MMRN2: variants seen among roughly 807,000 people sequenced by gnomAD.
MMRN2 encodes multimerin 2, also known as multimerin-2.
Under a neutral mutation model 68.8 loss-of-function variants are expected in MMRN2, and 53 were observed. The observed-to-expected ratio is 0.77, with a 90% CI of 0.62 to 0.97. MMRN2 has a LOEUF of 0.97. Ranked by LOEUF, MMRN2 falls within the 50% of genes least tolerant of loss-of-function variation. The pLI is 0.00. For synonymous variants in MMRN2, 564 were observed against 551.6 expected, an observed-to-expected ratio of 1.02 and a Z score of -0.32; for missense variants, 1,266 against 1,259.5, an observed-to-expected ratio of 1.01 and a Z score of -0.08.
intron 1 of MMRN2, among the ~76,000 whole-genome samples, chr10:86,948,374 C>A (rs950292938): frequency 6.6e-6 from 1 of 150,976 alleles, no homozygotes; most frequent in Non-Finnish European, 1.5e-5. Context: ...ACCCAAGAAA[C>A]AAGACCAGGA....
Position 86,944,050 on chromosome 10 carries a change from C to G in MMRN2, c.734G>C (p.Trp245Ser). The G allele has an allele frequency of 6.2e-7, 1 of 1,614,160 alleles. No homozygotes were observed. The highest frequency in any genetic ancestry group is 8.5e-7 in the Non-Finnish European group (1 of 1,180,042). Reference sequence around the variant, plus strand: ...GTGCAGGCTTTGGTTAAAGCTCCTCCAGATGGGGCTGAAATGCACTTGTAG... The same window carrying G: ...GTGCAGGCTTTGGTTAAAGCTCCTCGAGATGGGGCTGAAATGCACTTGTAG... ...TFLQVHFSPIWRSFNQSLHSL... is the reference protein window; with the variant it reads ...TFLQVHFSPISRSFNQSLHSL... Residue 245 changes from tryptophan (W) to serine (S), a missense_variant, in exon 6 of 7, where the codon TGG (tryptophan) becomes TCG (serine). Trp to Ser is a radical substitution (Grantham distance 177). Coordinates refer to ENST00000372027, the MANE Select transcript of MMRN2 (RefSeq NM_024756.3).
chr10:86,944,126 A>G lies in MMRN2; in HGVS notation c.658T>C (p.Phe220Leu). Reference protein sequence around the residue: ...VMEANQTGHEFPDRSLEQVLL... With the variant: ...VMEANQTGHELPDRSLEQVLL... ...ACCTGCTCCAAGGATCTATCAGGGA[A>G]CTCTGCAACAGACATGTGGTGTGAC... The change falls in exon 6 of 7, where the codon TTC becomes CTC. Residue 220 changes from phenylalanine to leucine, a missense_variant and splice_region_variant. Phe to Leu is a conservative substitution (Grantham distance 22, BLOSUM62 0). Coordinates refer to ENST00000372027, the MANE Select transcript of MMRN2 (RefSeq NM_024756.3). The G allele has an allele frequency of 6.2e-7, 1 of 1,612,792 alleles. No individual in the cohort carries two copies. Among genetic ancestry groups the G allele is most frequent in the Non-Finnish European group, 8.5e-7 (1 of 1,179,204 alleles).
At position 86,936,473 on chromosome 10, in the gene MMRN2, GC is replaced by G; in HGVS notation, c.*269del. The G allele has an allele frequency of 1.8e-6, 1 of 553,024 alleles. No homozygotes were observed. The highest frequency in any genetic ancestry group is 3.2e-6 in the Non-Finnish European group (1 of 312,806). The allele number at this position is 553,024 out of a possible 1,614,324, so 34.3% of individuals were successfully genotyped here. On this transcript the variant is annotated 3_prime_UTR_variant, in exon 7 of 7. Coordinates refer to ENST00000372027, the MANE Select transcript of MMRN2 (RefSeq NM_024756.3). Reference sequence around the variant, plus strand: ...GGTGTGGTGAAGAGTTGGAGCCCAGGCCGTGCTGTCTGAGAAGGCATGCCAA... The same window carrying G: ...GGTGTGGTGAAGAGTTGGAGCCCAGGCGTGCTGTCTGAGAAGGCATGCCAA...
At position 86,936,794 on chromosome 10, in the gene MMRN2, CTT is replaced by C; in HGVS notation, c.2797_2798del (p.Lys933GlufsTer15). 6.2e-7 allele frequency: 1 copy of C among 1,614,208 alleles called. No individual in the cohort carries two copies. Among genetic ancestry groups the C allele is most frequent in the Non-Finnish European group, 8.5e-7 (1 of 1,180,026 alleles). On this transcript the variant is annotated frameshift_variant, in exon 7 of 7. Coordinates refer to ENST00000372027, the MANE Select transcript of MMRN2 (RefSeq NM_024756.3). LOFTEE classifies it high-confidence loss of function. ...WFELTQGSIT[K>X]RSLSGTAFGG... ...CAAATGCAGTGCCCGACAGGCTTCT[CTT>C]TGTTATTGATCCCTGGGTTAACTCA...
At position 86,945,120 on chromosome 10, in the gene MMRN2, A is replaced by G; in HGVS notation, c.481+68T>C. ...TGAAATGGCACTGCTGTATCACAGG[A>G]AAAAGGGCCAGCTGGCTACATGGGC... is the stretch of plus-strand genomic sequence containing the variant. On this transcript the variant is annotated intron_variant, in intron 4 of 6. Coordinates refer to ENST00000372027, the MANE Select transcript of MMRN2 (RefSeq NM_024756.3). The G allele has an allele frequency of 2.1e-6, 3 of 1,419,240 alleles. 1 individual carries two copies. In the Admixed American group the frequency reaches 5.1e-5, roughly 24 times the overall value. 87.9% of individuals were successfully genotyped at this position (1,419,240 alleles called of 1,614,324 possible).
At position 86,942,646 on chromosome 10, in the gene MMRN2, C is replaced by G; in HGVS notation, c.2138G>C (p.Arg713Pro). The change falls in exon 6 of 7, where the codon CGG becomes CCG. Residue 713 changes from arginine (R) to proline (P), a missense_variant. Transcript: ENST00000372027. ...SLSNDVKNVG[R>P]CCEAEAGAGA... ...GGCCCCGGCCTCGGCCTCGCAGCACCGCCCGACATTCTTGACGTCGTTGCT... is the reference window on the plus strand; with the variant it reads ...GGCCCCGGCCTCGGCCTCGCAGCACGGCCCGACATTCTTGACGTCGTTGCT... 6.3e-7 allele frequency: 1 copy of G among 1,598,434 alleles called. No homozygotes were observed. Among genetic ancestry groups the G allele is most frequent in the Non-Finnish European group, 8.5e-7 (1 of 1,178,844 alleles).
chr10:86,941,457 TCTTATTGTACTGTACTCAC>T (rs1284743140), intron 6 of MMRN2, among the ~76,000 whole-genome samples: 10 of 152,144 alleles, frequency 6.6e-5, no homozygotes, highest in Non-Finnish European at 1.3e-4. Context: ...TCTCTCAAAA[TCTTATTGTACTGTACTCAC>T]CTATTTTCTG....
chr10:86,944,596 A>G, intron 4 of MMRN2, 161 bp from the exon 5 acceptor site: 1 of 685,860 alleles, frequency 1.5e-6, no homozygotes, highest in Non-Finnish European at 2.4e-6. Flanking sequence ...GGGCAAATGC[A>G]TAGCAAGTGA....
At position 86,944,260 on chromosome 10, in the gene MMRN2, A is replaced by G. The variant is rs754014313; in HGVS notation, c.655+2T>C. 13 of 1,605,098 alleles carry G rather than the reference A, an allele frequency of 8.1e-6. No homozygotes were observed. The highest frequency in any genetic ancestry group is 1.1e-5 in the Non-Finnish European group (13 of 1,173,590). The stretch of plus-strand genomic sequence containing the variant: ...CCTCAGCCCCTAGAGCCTGCCACTC[A>G]CCGTGCCCTGTTTGATTTGCTTCCA... On this transcript the variant is annotated splice_donor_variant, in intron 5 of 6. Transcript: ENST00000372027. LOFTEE classifies it high-confidence loss of function.
chr10:86,952,530 C>G (rs1032587722), intron 1 of MMRN2, among the ~76,000 whole-genome samples: 5 of 152,184 alleles, frequency 3.3e-5, no homozygotes, highest in African/African-American at 1.2e-4. Flanking sequence ...TGTGACATCA[C>G]CTATCGGTAG....
chr10:86,943,015 C>T lies in MMRN2; in HGVS notation c.1769G>A (p.Arg590His), dbSNP rs200124789. 2.7e-3 allele frequency: 3,766 copies of T among 1,387,334 alleles called. 71 individuals are homozygous for T. In the African/African-American group the frequency reaches 0.049, roughly 18 times the overall value. The allele number at this position is 1,387,334 out of a possible 1,614,324, so 85.9% of individuals were successfully genotyped here. The change falls in exon 6 of 7, where the codon CGC becomes CAC. Residue 590 changes from arginine to histidine, a missense_variant. Coordinates refer to ENST00000372027, the MANE Select transcript of MMRN2 (RefSeq NM_024756.3). The surrounding 1 kb of genome is among the most constrained non-coding windows in gnomAD (Gnocchi z 4.2). ...AAAAEARHEV[R>H]QLHSAFAALL... ...GGCGGCGAAGGCGCTGTGCAGCTGG[C>T]GCACCTCGTGGCGGGCCTCGGCCGC...
chr10:86,938,915 C>T lies in MMRN2; in HGVS notation c.2468-1790G>A, dbSNP rs540301548. Among the ~76,000 whole-genome samples the T allele has an allele frequency of 2.9e-3, 435 of 152,310 alleles. 12 individuals are homozygous for T. Among genetic ancestry groups the T allele is most frequent in the Non-Finnish European group, 2.8e-4 (19 of 68,028 alleles). On this transcript the variant is annotated intron_variant, in intron 6 of 6. Transcript: ENST00000372027. ...CAGTGGCTCACGCCTGTAATCCCAG[C>T]ACTTTGGGAGGCCAAGGCGGGCGGA...
chr10:86,937,115 C>G lies in MMRN2; in HGVS notation c.2478G>C (p.Val826=). 6.2e-7 allele frequency: 1 copy of G among 1,614,074 alleles called. No individual in the cohort carries two copies. Among genetic ancestry groups the G allele is most frequent in the Non-Finnish European group, 8.5e-7 (1 of 1,179,944 alleles). The change falls in exon 7 of 7, where the codon GTG becomes GTC. Residue 826 remains valine (V), a synonymous_variant. Transcript: ENST00000372027. ...CTTCTGAAAAGCTGGCATAGAAGGC[C>G]ACAGGGGATCCTGAAACATAACAGG... ...GAALWEAGSP[V]AFYASFSEGT...
Position 86,942,773 on chromosome 10 carries a change from G to A in MMRN2, c.2011C>T (p.Pro671Ser). ...RVTALEQASE[P>S]PRPAEHLEPS... The stretch of plus-strand genomic sequence containing the variant: ...TCCAGGTGCTCTGCCGGCCGCGGGG[G>A]CTCCGAGGCCTGCTCCAGGGCCGTC... Residue 671 changes from proline (P) to serine (S), a missense_variant, in exon 6 of 7, where the codon CCC becomes TCC. Pro to Ser is a moderately conservative substitution (Grantham distance 74, BLOSUM62 -1). Coordinates refer to ENST00000372027, the MANE Select transcript of MMRN2 (RefSeq NM_024756.3). The A allele has an allele frequency of 1.5e-6, 2 of 1,371,618 alleles. No individual in the cohort carries two copies. The highest frequency in any genetic ancestry group is 1.9e-6 in the Non-Finnish European group (2 of 1,068,666). 85.0% of individuals were successfully genotyped at this position (1,371,618 alleles called of 1,614,324 possible).
intron 6 of MMRN2, among the ~76,000 whole-genome samples, chr10:86,941,682 C>A (rs1296686878): frequency 6.6e-6 from 1 of 151,696 alleles, no homozygotes; most frequent in African/African-American, 2.4e-5. Flanking sequence ...CCTGTAAGTC[C>A]TAGCTACTCT....
At position 86,936,172 on chromosome 10, in the gene MMRN2, A is replaced by G. The variant is rs534621439; in HGVS notation, c.*571T>C. 1.1e-5 allele frequency: 4 copies of G among 369,902 alleles called. No homozygotes were observed. The highest frequency in any genetic ancestry group is 4.5e-5 in the Admixed American group (1 of 22,218). 22.9% of individuals were successfully genotyped at this position (369,902 alleles called of 1,614,324 possible). Reference sequence around the variant, plus strand: ...TATCCTACAAGGAATGACTGAAACTAAAGATACTAATTTCCTTTCCCTTGG... The same window carrying G: ...TATCCTACAAGGAATGACTGAAACTGAAGATACTAATTTCCTTTCCCTTGG... On this transcript the variant is annotated 3_prime_UTR_variant, in exon 7 of 7. Transcript: ENST00000372027.
Position 86,942,484 on chromosome 10 carries a change from C to T in MMRN2, c.2300G>A (p.Ser767Asn), listed in dbSNP as rs749667808. ...NFQGLMEANV[S>N]LDLGKLQTML... is the part of the protein sequence containing the mutation. ...GGTCTGCAGCTTCCCCAGGTCCAGG[C>T]TGACGTTGGCTTCCATGAGCCCTTG... The change falls in exon 6 of 7, where the codon AGC becomes AAC. Residue 767 changes from serine to asparagine, a missense_variant. By Grantham distance (46) the Ser-to-Asn change is conservative. Coordinates refer to ENST00000372027, the MANE Select transcript of MMRN2 (RefSeq NM_024756.3). 6.2e-7 allele frequency: 1 copy of T among 1,614,128 alleles called. No homozygotes were observed. The highest frequency in any genetic ancestry group is 1.1e-5 in the South Asian group (1 of 91,088).
chr10:86,943,411 T>C lies in MMRN2; in HGVS notation c.1373A>G (p.Glu458Gly), dbSNP rs755516197. 1 of 1,614,034 alleles carries C rather than the reference T, an allele frequency of 6.2e-7. No homozygotes were observed. The highest frequency in any genetic ancestry group is 2.2e-5 in the East Asian group (1 of 44,878). ...VILMEKSLIM[E>G]ENKEEVERQL... Reference sequence around the variant, plus strand: ...CCGCTCCACCTCCTCCTTGTTCTCCTCCATGATCAGAGACTTCTCCATCAG... The same window carrying C: ...CCGCTCCACCTCCTCCTTGTTCTCCCCCATGATCAGAGACTTCTCCATCAG... The change falls in exon 6 of 7, where the codon GAG (glutamate) becomes GGG (glycine). Residue 458 changes from glutamate (E) to glycine (G), a missense_variant. Transcript: ENST00000372027. This position sits in a 1 kb window ranked among gnomAD's most constrained non-coding sequence, Gnocchi z 4.2.
chr10:86,942,993 GGCGAAGGC>G lies in MMRN2; in HGVS notation c.1783_1790del (p.Ala595ArgfsTer27). ...GCCGCAGCGCGTCCTCCAGCAGGGC[GGCGAAGGC>G]GCTGTGCAGCTGGCGCACCTCGTGG... On this transcript the variant is annotated frameshift_variant, in exon 6 of 7. Coordinates refer to ENST00000372027, the MANE Select transcript of MMRN2 (RefSeq NM_024756.3). LOFTEE classifies it high-confidence loss of function. 1 of 1,457,396 alleles carries G rather than the reference GGCGAAGGC, an allele frequency of 6.9e-7. No individual in the cohort carries two copies. Among genetic ancestry groups the G allele is most frequent in the Non-Finnish European group, 9.1e-7 (1 of 1,104,622 alleles). 90.3% of individuals were successfully genotyped at this position (1,457,396 alleles called of 1,614,324 possible). A position where few individuals can be genotyped will look rare whatever the true frequency, so the allele number is the denominator to read the frequency against.
Sources: gnomAD v4.1 joint callset for allele counts (sites outside exome capture counted in the v4.1 genomes callset) on GRCh38, gnomAD v4.1.1 for gene constraint, Gnocchi (gnomAD v3.1) non-coding constraint, MANE v1.5 for transcripts, NCBI Gene and HGNC (gene_info 2026-07-23, HGNC 2026-07-21) for gene names.